Variants in ANK3 observed in about 807,000 individuals in gnomAD.
ANK3 encodes ankyrin-3.
ANK3 carries 57 observed loss-of-function variants against 370.9 expected under a neutral mutation model. That is an observed-to-expected ratio of 0.15 (90% CI 0.12 to 0.19). The LOEUF is 0.19. Ranked by LOEUF, ANK3 falls within the 10% of genes least tolerant of loss-of-function variation. The pLI is 1.00. For missense variants in ANK3, 4,439 were observed against 5,302.1 expected, an observed-to-expected ratio of 0.84 and a Z score of 5.06; for synonymous variants, 1,929 against 1,946.3, an observed-to-expected ratio of 0.99 and a Z score of 0.23.
At chr10:60,684,160 T>C (rs1354604085) in intron 1 of ANK3, among the ~76,000 whole-genome samples, 1 of 152,196 alleles carries the variant, frequency 6.6e-6, no homozygotes, top group Non-Finnish European at 1.5e-5. Context: ...ATAATAATTA[T>C]CTTGGAAGGG....
At chr10:60,636,491 T>C (rs1294410432) in intron 1 of ANK3, among the ~76,000 whole-genome samples, 2 of 152,214 alleles carry the variant, frequency 1.3e-5, no homozygotes, top group African/African-American at 4.8e-5. Context: ...ACAAAATACC[T>C]ATGATTTGCT....
At chr10:60,147,426 T>G (rs1312586994) in intron 23 of ANK3, among the ~76,000 whole-genome samples, 3 of 152,218 alleles carry the variant, frequency 2.0e-5, no homozygotes, top group Non-Finnish European at 4.4e-5. Flanking sequence ...TTTAACCCTT[T>G]GTTTGCCATC....
intron 42 of ANK3, chr10:60,043,836 C>T (rs948279886): frequency 1.2e-4 from 120 of 984,858 alleles, no homozygotes; most frequent in Middle Eastern, 5.2e-4. Context: ...CATTCTGTCC[C>T]CTATAAATGA....
intron 1 of ANK3, among the ~76,000 whole-genome samples, chr10:60,369,846 C>T (rs993870231): frequency 6.6e-6 from 1 of 152,176 alleles, no homozygotes; most frequent in South Asian, 2.1e-4. Flanking sequence ...TACTGATATA[C>T]AATGTCAGGT....
chr10:60,173,280 T>A, intron 18 of ANK3, 94 bp from the exon 19 acceptor site: 1 of 1,024,908 alleles, frequency 9.8e-7, no homozygotes, highest in African/African-American at 1.6e-5. Context: ...TTAACCTTTC[T>A]TTTTGAGCTG....
chr10:60,358,920 T>C (rs2058195354), intron 1 of ANK3, among the ~76,000 whole-genome samples: 1 of 152,174 alleles, frequency 6.6e-6, no homozygotes, highest in African/African-American at 2.4e-5. Flanking sequence ...AGGTCTATCC[T>C]AACCACCCTA....
Position 60,082,535 on chromosome 10 carries a change from A to G in ANK3, c.4323+80T>C, listed in dbSNP as rs117864931. 685 of 1,539,998 alleles carry G rather than the reference A, an allele frequency of 4.4e-4. 13 individuals are homozygous for G. In the East Asian group the frequency reaches 0.015, roughly 34 times the overall value. On this transcript the variant is annotated intron_variant, in intron 34 of 43. Transcript: ENST00000280772. ...GTTTCAAGAGCTTTATTCATGTTAC[A>G]AAGCATTCCTTAATTGCATACCAAA...
At chr10:60,452,950 G>A (rs952935092) in intron 2 of ANK3, among the ~76,000 whole-genome samples, 2 of 152,212 alleles carry the variant, frequency 1.3e-5, no homozygotes, top group African/African-American at 2.4e-5. Context: ...TGATGCCCAA[G>A]CACTGCTGAC....
chr10:60,224,012 C>G (rs118125990), intron 8 of ANK3, among the ~76,000 whole-genome samples: 1 of 151,202 alleles, frequency 6.6e-6, no homozygotes, highest in Non-Finnish European at 1.5e-5. Flanking sequence ...AATTAATGAA[C>G]AAAGTCACTT....
chr10:60,150,893 G>A (rs779585768), intron 23 of ANK3, among the ~76,000 whole-genome samples: 17 of 152,036 alleles, frequency 1.1e-4, no homozygotes, highest in South Asian at 2.1e-4. Flanking sequence ...TTCTAGCAGC[G>A]CAAAACAGAC....
At chr10:60,713,047 C>G (rs868483788) in intron 1 of ANK3, among the ~76,000 whole-genome samples, 1 of 152,146 alleles carries the variant, frequency 6.6e-6, no homozygotes, top group African/African-American at 2.4e-5. Context: ...ATTGACAGAT[C>G]CAGCAGGCAG....
intron 2 of ANK3, among the ~76,000 whole-genome samples, chr10:60,448,563 C>T (rs1389559246): frequency 1.3e-5 from 2 of 152,212 alleles, no homozygotes; most frequent in African/African-American, 2.4e-5. Context: ...TCTTTTACTA[C>T]TTGCCTTCTG....
In ANK3 at chr10:60,028,569, C is replaced by T. The variant is rs1034280732; in HGVS notation, c.*1277G>A. 1.3e-5 allele frequency: 2 copies of T among 152,478 alleles called. No individual in the cohort carries two copies. Among genetic ancestry groups the T allele is most frequent in the Non-Finnish European group, 2.9e-5 (2 of 68,010 alleles). 9.4% of individuals were successfully genotyped at this position (152,478 alleles called of 1,614,324 possible). ...TTCACCAAAACCCAAATAAAAATGCCCTTTAAAACACAGCAGCCTTATTAA... is the reference window on the plus strand; with the variant it reads ...TTCACCAAAACCCAAATAAAAATGCTCTTTAAAACACAGCAGCCTTATTAA... On this transcript the variant is annotated 3_prime_UTR_variant, in exon 44 of 44. Coordinates refer to ENST00000280772, the MANE Select transcript of ANK3 (RefSeq NM_020987.5).
chr10:60,479,896 T>C (rs1490395347), intron 2 of ANK3, among the ~76,000 whole-genome samples: 1 of 152,228 alleles, frequency 6.6e-6, no homozygotes, highest in Non-Finnish European at 1.5e-5. Flanking sequence ...CAAACCTCTT[T>C]CTCCTTATAG....
At chr10:60,309,916 TTTTTTC>T (rs1198234606) in intron 1 of ANK3, among the ~76,000 whole-genome samples, 2 of 146,382 alleles carry the variant, frequency 1.4e-5, no homozygotes, top group Non-Finnish European at 3.0e-5. Context: ...TTTTCTTTTC[TTTTTTC>T]TTTTTTTTTT....
chr10:60,710,660 C>T (rs1236473810), intron 1 of ANK3, among the ~76,000 whole-genome samples: 1 of 151,970 alleles, frequency 6.6e-6, no homozygotes, highest in Non-Finnish European at 1.5e-5. Flanking sequence ...CAATTCAAGC[C>T]CATGTTGTTC....
chr10:60,519,108 G>C (rs1425689101), intron 2 of ANK3, among the ~76,000 whole-genome samples: 1 of 152,142 alleles, frequency 6.6e-6, no homozygotes, highest in Non-Finnish European at 1.5e-5. Flanking sequence ...CTAAAAAGTA[G>C]GAAGAATAAA....
chr10:60,082,055 A>G (rs2085412570), intron 35 of ANK3, 95 bp downstream of exon 35: 5 of 921,400 alleles, frequency 5.4e-6, no homozygotes, highest in African/African-American at 1.7e-5. Context: ...TATAATTTAT[A>G]TGTTTCCCAC....
chr10:60,297,520 T>G (rs2042793429), intron 1 of ANK3, among the ~76,000 whole-genome samples: 1 of 152,146 alleles, frequency 6.6e-6, no homozygotes, highest in Admixed American at 6.5e-5. Context: ...TTAATTTTTA[T>G]TACTAGGTTT....
Sources: allele counts gnomAD v4.1 joint callset (sites outside exome capture counted in the v4.1 genomes callset), GRCh38; gene constraint gnomAD v4.1.1; transcripts MANE v1.5; gene names NCBI Gene and HGNC (gene_info 2026-07-23, HGNC 2026-07-21).